CD5: variants seen among roughly 807,000 people sequenced by gnomAD.
The protein encoded by CD5 is T-cell surface glycoprotein CD5.
A neutral mutation model predicts 60.3 loss-of-function variants in CD5; 36 were observed. That is an observed-to-expected ratio of 0.60 (90% CI 0.46 to 0.79). CD5 has a LOEUF of 0.79. Ranked by LOEUF, CD5 falls within the 30% of genes least tolerant of loss-of-function variation. CD5 has a pLI of 0.00. For missense variants in CD5, 540 were observed against 630.6 expected (o/e 0.86, Z 1.54); for synonymous variants, 230 against 257.6 (o/e 0.89, Z 1.03).
chr11:61,100,710 T>A (rs1860662178), upstream of CD5, among the ~76,000 whole-genome samples: 2 of 106,484 alleles, frequency 1.9e-5, no homozygotes, highest in Non-Finnish European at 1.9e-5. Flanking sequence ...CAAACACACA[T>A]CAACATGGAG....
chr11:61,123,113 T>A (rs1384916477), intron 7 of CD5, 81 bp downstream of exon 7: 1 of 1,455,184 alleles, frequency 6.9e-7, no homozygotes, highest in African/African-American at 1.4e-5. Flanking sequence ...GGAGGAGGGG[T>A]CATGCCTCCA....
At chr11:61,116,648 CCACA>C (rs1429512023) in intron 2 of CD5, among the ~76,000 whole-genome samples, 214 of 131,686 alleles carry the variant, frequency 1.6e-3, no homozygotes, top group African/African-American at 6.1e-3. Context: ...CACACACACC[CCACA>C]CACACCACAC....
At chr11:61,096,976 G>A in the CD5 span, among the ~76,000 whole-genome samples, 1 of 152,108 alleles carries the variant, frequency 6.6e-6, no homozygotes, top group Admixed American at 6.5e-5. Context: ...CAGTCTCCAC[G>A]GAACACCCCC....
intron 2 of CD5, among the ~76,000 whole-genome samples, chr11:61,115,485 T>C (rs563831386): frequency 1.7e-4 from 26 of 152,278 alleles, no homozygotes; most frequent in African/African-American, 5.3e-4. Flanking sequence ...CGCAGACTGA[T>C]GGTAAAGTGT....
chr11:61,111,690 G>C (rs1860857913), intron 1 of CD5, among the ~76,000 whole-genome samples: 1 of 152,252 alleles, frequency 6.6e-6, no homozygotes, highest in Non-Finnish European at 1.5e-5. Context: ...AAGTTTCCAA[G>C]TTAGGAGAAG....
At chr11:61,116,549 AC>A (rs796262332) in intron 2 of CD5, among the ~76,000 whole-genome samples, 1,954 of 109,370 alleles carry the variant, frequency 0.018, 61 homozygotes, top group African/African-American at 0.065. Flanking sequence ...CCACACACAC[AC>A]ACCACACACA....
chr11:61,097,385 AG>A, the CD5 span, among the ~76,000 whole-genome samples: 4 of 152,214 alleles, frequency 2.6e-5, no homozygotes, highest in Non-Finnish European at 5.9e-5. Context: ...CTCACCCCGT[AG>A]GACGACTTAG....
At chr11:61,104,188 T>C (rs1486393400) in intron 1 of CD5, among the ~76,000 whole-genome samples, 1 of 152,012 alleles carries the variant, frequency 6.6e-6, no homozygotes, top group Non-Finnish European at 1.5e-5. Context: ...GTGTGAGAAC[T>C]GTGTGTGTGT....
intron 5 of CD5, among the ~76,000 whole-genome samples, chr11:61,120,478 G>A (rs1195118407): frequency 6.6e-6 from 1 of 152,186 alleles, no homozygotes; most frequent in African/African-American, 2.4e-5. Flanking sequence ...CTCTCGCCCA[G>A]TACTATGGAG....
upstream of CD5, among the ~76,000 whole-genome samples, chr11:61,099,965 A>G (rs1276033183): frequency 6.6e-6 from 1 of 150,702 alleles, no homozygotes; most frequent in African/African-American, 2.5e-5. Flanking sequence ...ACTCGTCAAC[A>G]TGGAGATCAC....
rs974917611 is a variant in CD5 at position 61,102,665 on chromosome 11, C to G, written c.55+50C>G. 9 of 1,462,824 alleles carry G rather than the reference C, an allele frequency of 6.2e-6. No individual in the cohort carries two copies. In the African/African-American group the frequency reaches 1.3e-4, roughly 20 times the overall value. 90.6% of individuals were successfully genotyped at this position (1,462,824 alleles called of 1,614,324 possible). The stretch of plus-strand genomic sequence containing the variant: ...GCGAACACCCGGGCTCGCTCCAGTG[C>G]AAGGAAGGAGTTCCCAGTTTTACCC... On this transcript the variant is annotated intron_variant, in intron 1 of 10. Coordinates refer to ENST00000347785, the MANE Select transcript of CD5 (RefSeq NM_014207.4).
At chr11:61,116,825 AACAC>A (rs1248830069) in intron 2 of CD5, among the ~76,000 whole-genome samples, 2 of 119,750 alleles carry the variant, frequency 1.7e-5, no homozygotes. Flanking sequence ...ACACACATAC[AACAC>A]ACACAACACA....
chr11:61,123,895 A>C lies in CD5; in HGVS notation c.1237A>C (p.Lys413Gln), dbSNP rs147476800. 1.7e-4 allele frequency: 267 copies of C among 1,612,840 alleles called. No homozygotes were observed. The Middle Eastern group carries it at 2.1e-3, about 13-fold the overall frequency. ...KKLVKKFRQKKQRQWIGPTGM... is the reference protein window; with the variant it reads ...KKLVKKFRQKQQRQWIGPTGM... ...TGTCTCTTGCCCAGTCCGCCAGAAGAAGCAGCGCCAGTGGATTGGCCCAAC... is the reference window on the plus strand; with the variant it reads ...TGTCTCTTGCCCAGTCCGCCAGAAGCAGCAGCGCCAGTGGATTGGCCCAAC... Residue 413 changes from lysine (K) to glutamine (Q), a missense_variant, in exon 8 of 11, where the codon AAG becomes CAG. Lys to Gln is a moderately conservative substitution (Grantham distance 53). Transcript: ENST00000347785.
At chr11:61,125,269 G>A (rs547670492) in intron 9 of CD5, 118 bp downstream of exon 9, 1 of 1,118,006 alleles carries the variant, frequency 8.9e-7, no homozygotes, top group Non-Finnish European at 1.3e-6. Flanking sequence ...GAGACCCCAG[G>A]GTGCAAGGGG....
the CD5 span, among the ~76,000 whole-genome samples, chr11:61,096,545 G>A: frequency 6.6e-6 from 1 of 152,186 alleles, no homozygotes; most frequent in South Asian, 2.1e-4. Context: ...GCTCGGTGGG[G>A]GGACATGAGA....
intron 1 of CD5, among the ~76,000 whole-genome samples, chr11:61,113,155 G>A (rs917250919): frequency 3.9e-5 from 6 of 152,210 alleles, no homozygotes; most frequent in Non-Finnish European, 1.5e-5. Context: ...ATATAAAGCA[G>A]TCTCCTTGAC....
At chr11:61,122,504 T>A (rs1180297075) in intron 6 of CD5, among the ~76,000 whole-genome samples, 1 of 151,246 alleles carries the variant, frequency 6.6e-6, no homozygotes, top group Non-Finnish European at 1.5e-5. Context: ...GATGGATGGA[T>A]GGATGGACAG....
intron 1 of CD5, among the ~76,000 whole-genome samples, chr11:61,103,589 A>ATGTGTGAGTCTATGTGTGTC (rs1275935207): frequency 6.6e-6 from 1 of 150,436 alleles, no homozygotes; most frequent in Admixed American, 6.6e-5. Flanking sequence ...GTGTGGGGGA[A>ATGTGTGAGTCTATGTGTGTC]TGTGTGAGTC....
At chr11:61,124,019 C>A in intron 8 of CD5, 82 bp downstream of exon 8, 2 of 1,110,956 alleles carry the variant, frequency 1.8e-6, no homozygotes, top group South Asian at 1.3e-5. Flanking sequence ...CTGCTGACCA[C>A]AGACGGAGCC....
Sources: allele counts gnomAD v4.1 joint callset (sites outside exome capture counted in the v4.1 genomes callset), GRCh38; gene constraint gnomAD v4.1.1; transcripts MANE v1.5; gene names NCBI Gene and HGNC (gene_info 2026-07-23, HGNC 2026-07-21).